LARGE1: variants seen among roughly 807,000 people sequenced by gnomAD.
LARGE1 encodes xylosyl- and glucuronyltransferase LARGE1.
Under a neutral mutation model 87.6 loss-of-function variants are expected in LARGE1, and 43 were observed. The ratio of observed to expected loss-of-function variants is 0.49; its 90% CI spans 0.38 to 0.63. The LOEUF (loss-of-function observed/expected upper bound fraction) is 0.63. LARGE1 is among the 30% of genes least tolerant of loss of function. The probability of loss-of-function intolerance (pLI) is 0.00; values close to 1 mark genes in which losing one functional copy is unlikely to be tolerated. For missense variants in LARGE1, 802 were observed against 1,000.2 expected (o/e 0.80, Z 2.67); for synonymous variants, 434 against 394.6 (o/e 1.10, Z -1.18).
At chr22:33,748,224 C>T (rs1340711547) in intron 2 of LARGE1, among the ~76,000 whole-genome samples, 3 of 151,274 alleles carry the variant, frequency 2.0e-5, no homozygotes, top group African/African-American at 2.4e-5. Context: ...CTCCACCTCC[C>T]GGGTTCAAGC....
intron 11 of LARGE1, among the ~76,000 whole-genome samples, chr22:33,313,424 G>C (rs1400795493): frequency 6.6e-6 from 1 of 152,152 alleles, no homozygotes; most frequent in Non-Finnish European, 1.5e-5. Flanking sequence ...CTGTAGACCT[G>C]TTTACCTGTC....
chr22:33,381,867 C>T (rs1601644809), intron 9 of LARGE1, 52 bp downstream of exon 9: 1 of 1,612,280 alleles, frequency 6.2e-7, no homozygotes. Flanking sequence ...CCTGGGAGGT[C>T]CTCTCGGCCC....
At chr22:33,796,789 T>TC (rs1455577396) in intron 1 of LARGE1, among the ~76,000 whole-genome samples, 18 of 131,242 alleles carry the variant, frequency 1.4e-4, no homozygotes, top group African/African-American at 2.9e-4. Flanking sequence ...TTTTTTTTTT[T>TC]CCCCTGAGAT....
At chr22:33,789,143 C>A (rs1421811906) in intron 1 of LARGE1, among the ~76,000 whole-genome samples, 1 of 152,202 alleles carries the variant, frequency 6.6e-6, no homozygotes, top group East Asian at 1.9e-4. Context: ...GGCCCAGGGC[C>A]TTGCTGCTTT....
chr22:33,638,359 A>G (rs180688953), intron 3 of LARGE1, among the ~76,000 whole-genome samples: 4 of 152,370 alleles, frequency 2.6e-5, no homozygotes, highest in Non-Finnish European at 4.4e-5. Context: ...GAATAATTTA[A>G]AACATTTCAG....
At chr22:33,225,114 A>G (rs1925666437) in intron 11 of LARGE1, among the ~76,000 whole-genome samples, 2 of 152,218 alleles carry the variant, frequency 1.3e-5, no homozygotes, top group African/African-American at 2.4e-5. Context: ...GCATGCCAAC[A>G]GAAGACACTG....
chr22:33,586,326 T>C (rs1448907764), intron 5 of LARGE1, among the ~76,000 whole-genome samples: 3 of 152,340 alleles, frequency 2.0e-5, no homozygotes, highest in African/African-American at 7.2e-5. Context: ...TTGCAAGTCC[T>C]TCTTACAGAG....
At chr22:33,088,323 G>C in the LARGE1 span, among the ~76,000 whole-genome samples, 1 of 152,074 alleles carries the variant, frequency 6.6e-6, no homozygotes, top group South Asian at 2.1e-4. Flanking sequence ...TGGGGTTGTA[G>C]TCCCCACACC....
At chr22:33,229,416 A>T (rs894531962) in intron 11 of LARGE1, among the ~76,000 whole-genome samples, 1 of 152,124 alleles carries the variant, frequency 6.6e-6, no homozygotes, top group Non-Finnish European at 1.5e-5. Context: ...AAGACAAAAC[A>T]GAAATTATAA....
At chr22:33,276,217 AAAG>A (rs1282118548) in intron 14 of LARGE1, among the ~76,000 whole-genome samples, 1 of 147,886 alleles carries the variant, frequency 6.8e-6, no homozygotes, top group African/African-American at 2.7e-5. Flanking sequence ...AAAGAAAAGA[AAAG>A]AAAAAAAAAA....
Position 33,381,986 on chromosome 22 carries a change from A to G in LARGE1, c.1064T>C (p.Phe355Ser). Reference protein sequence around the residue: ...NPFLVYQLPCFWNVQLSDHTR... With the variant: ...NPFLVYQLPCSWNVQLSDHTR... ...GTGGTCTGACAGCTGCACATTCCAG[A>G]AGCAGGGGAGCTGGTACACAAGGAA... is the stretch of plus-strand genomic sequence containing the variant. Residue 355 changes from phenylalanine (F) to serine (S), a missense_variant, in exon 9 of 15, where the codon TTC becomes TCC. Around this residue, in one of 2 missense-constraint regions of LARGE1, gnomAD observed 625 missense variants for 841.9 expected, o/e 0.74. Coordinates refer to ENST00000397394, the MANE Select transcript of LARGE1 (RefSeq NM_133642.5). 1 of 1,614,028 alleles carries G rather than the reference A, an allele frequency of 6.2e-7. No individual in the cohort carries two copies. The highest frequency in any genetic ancestry group is 2.2e-5 in the East Asian group (1 of 44,856).
At chr22:33,531,893 C>A (rs2072222800) in intron 6 of LARGE1, among the ~76,000 whole-genome samples, 1 of 152,214 alleles carries the variant, frequency 6.6e-6, no homozygotes. Context: ...GATTATCTTG[C>A]CGGGTGAGCT....
chr22:33,605,557 T>C (rs1011768048), intron 4 of LARGE1, among the ~76,000 whole-genome samples: 3 of 152,116 alleles, frequency 2.0e-5, no homozygotes, highest in Non-Finnish European at 2.9e-5. Flanking sequence ...AAGTGCAAAA[T>C]ACGGCACATC....
intron 9 of LARGE1, among the ~76,000 whole-genome samples, chr22:33,369,209 A>G (rs1569101292): frequency 6.6e-6 from 1 of 152,352 alleles, no homozygotes; most frequent in South Asian, 2.1e-4. Flanking sequence ...TATAATAACA[A>G]TGAACATTAC....
chr22:33,589,345 T>C (rs2078769303), intron 5 of LARGE1, among the ~76,000 whole-genome samples: 1 of 152,190 alleles, frequency 6.6e-6, no homozygotes, highest in Non-Finnish European at 1.5e-5. Flanking sequence ...GACAAGTAAA[T>C]GTTGGCTATT....
chr22:33,509,785 T>G (rs2070966079), intron 6 of LARGE1, among the ~76,000 whole-genome samples: 1 of 152,200 alleles, frequency 6.6e-6, no homozygotes, highest in Non-Finnish European at 1.5e-5. Flanking sequence ...ATAAATGATC[T>G]GTGTTTTGCC....
intron 11 of LARGE1, among the ~76,000 whole-genome samples, chr22:33,310,619 T>G (rs1935467812): frequency 1.3e-5 from 2 of 152,166 alleles, no homozygotes; most frequent in African/African-American, 4.8e-5. Context: ...CTCGAAGGTT[T>G]ACAAATATAT....
chr22:33,381,457 C>T (rs1490267132), intron 9 of LARGE1, among the ~76,000 whole-genome samples: 1 of 152,186 alleles, frequency 6.6e-6, no homozygotes, highest in Non-Finnish European at 1.5e-5. Context: ...CCCCGACTGA[C>T]CCACCCACAC....
chr22:33,856,220 G>A (rs1273556113), intron 1 of LARGE1, among the ~76,000 whole-genome samples: 1 of 152,086 alleles, frequency 6.6e-6, no homozygotes, highest in Admixed American at 6.5e-5. Flanking sequence ...GGCCATACCC[G>A]GACCAGTTCT....
Sources: gnomAD v4.1 joint callset for allele counts (sites outside exome capture counted in the v4.1 genomes callset) on GRCh38, gnomAD v4.1.1 for gene constraint, gnomAD v4.1.1 regional missense constraint, MANE v1.5 for transcripts, NCBI Gene and HGNC (gene_info 2026-07-23, HGNC 2026-07-21) for gene names.